Variants in LINGO2 observed in about 807,000 individuals in gnomAD.
The protein encoded by LINGO2 is leucine rich repeat and Ig domain containing 2.
A neutral mutation model predicts 30.6 loss-of-function variants in LINGO2; 14 were observed. The observed-to-expected ratio is 0.46, with a 90% CI of 0.30 to 0.72. The LOEUF (loss-of-function observed/expected upper bound fraction) is 0.72. LINGO2 is among the 30% of genes least tolerant of loss of function. The pLI, the probability that LINGO2 is intolerant of heterozygous loss-of-function variation, is 0.07. For missense variants in LINGO2, 729 were observed against 751.7 expected (o/e 0.97, Z 0.35); for synonymous variants, 317 against 288.5 (o/e 1.10, Z -1.00).
intron 5 of LINGO2, among the ~76,000 whole-genome samples, chr9:27,988,382 G>C (rs1821228248): frequency 1.3e-5 from 2 of 151,928 alleles, no homozygotes; most frequent in African/African-American, 4.8e-5. Flanking sequence ...GGATGGCTGG[G>C]TCCAATGGTA....
At chr9:28,429,720 T>G (rs1823568988) in intron 2 of LINGO2, among the ~76,000 whole-genome samples, 1 of 152,176 alleles carries the variant, frequency 6.6e-6, no homozygotes, top group African/African-American at 2.4e-5. Flanking sequence ...ACCACTAAAG[T>G]ACTTCCATTT....
chr9:28,650,924 C>T (rs1032918236), intron 1 of LINGO2, among the ~76,000 whole-genome samples: 2 of 152,128 alleles, frequency 1.3e-5, no homozygotes, highest in African/African-American at 4.8e-5. Flanking sequence ...GATGCGATGG[C>T]TTACGCCTGT....
At chr9:29,136,862 A>G in the LINGO2 span, among the ~76,000 whole-genome samples, 1 of 152,162 alleles carries the variant, frequency 6.6e-6, no homozygotes, top group Non-Finnish European at 1.5e-5. Context: ...AATCATTTCA[A>G]ACTCAAATGT....
At chr9:28,409,620 GGTGTGTGTGTGTGT>G (rs150611305) in intron 2 of LINGO2, among the ~76,000 whole-genome samples, 5 of 146,312 alleles carry the variant, frequency 3.4e-5, no homozygotes, top group East Asian at 2.0e-4. Flanking sequence ...GATGTGCAGG[GGTGTGTGTGTGTGT>G]GTGTGTGTGT....
chr9:29,139,788 A>G, the LINGO2 span, among the ~76,000 whole-genome samples: 9 of 152,188 alleles, frequency 5.9e-5, no homozygotes, highest in South Asian at 1.9e-3. Flanking sequence ...GAGATGGAAC[A>G]TGTGTTTAAA....
chr9:27,970,082 A>C (rs1235986826), intron 5 of LINGO2, among the ~76,000 whole-genome samples: 1 of 152,202 alleles, frequency 6.6e-6, no homozygotes, highest in Non-Finnish European at 1.5e-5. Context: ...TCCAAGGTGA[A>C]AGTGGGTACA....
At chr9:28,914,852 G>A in the LINGO2 span, among the ~76,000 whole-genome samples, 5 of 152,188 alleles carry the variant, frequency 3.3e-5, no homozygotes, top group Non-Finnish European at 5.9e-5. Flanking sequence ...AGTCACAAAC[G>A]CTGGGTGCGG....
intron 3 of LINGO2, among the ~76,000 whole-genome samples, chr9:28,313,987 G>T (rs1233099640): frequency 6.6e-6 from 1 of 151,934 alleles, no homozygotes; most frequent in East Asian, 1.9e-4. Context: ...AGGCTGGAGT[G>T]CAGTGGCGCG....
chr9:28,494,402 G>A (rs1328851525), intron 1 of LINGO2, among the ~76,000 whole-genome samples: 2 of 152,044 alleles, frequency 1.3e-5, no homozygotes, highest in Admixed American at 6.5e-5. Flanking sequence ...AGTATGTGAT[G>A]TTCCCCTTCC....
At chr9:28,654,464 A>T (rs1828246588) in intron 1 of LINGO2, among the ~76,000 whole-genome samples, 1 of 136,108 alleles carries the variant, frequency 7.3e-6, no homozygotes, top group Non-Finnish European at 1.5e-5. Flanking sequence ...ATAGTATATG[A>T]TAGAACATGA....
intron 4 of LINGO2, among the ~76,000 whole-genome samples, chr9:28,153,235 A>G (rs1259434889): frequency 6.6e-6 from 1 of 152,178 alleles, no homozygotes; most frequent in Non-Finnish European, 1.5e-5. Context: ...TAACATTTGC[A>G]TAAGTGCAGA....
chr9:27,984,743 T>G (rs957366739), intron 5 of LINGO2, among the ~76,000 whole-genome samples: 1 of 151,870 alleles, frequency 6.6e-6, no homozygotes, highest in African/African-American at 2.4e-5. Context: ...GGAGATTGGC[T>G]TTTACTGAGA....
At chr9:29,029,145 A>G in the LINGO2 span, among the ~76,000 whole-genome samples, 6 of 152,142 alleles carry the variant, frequency 3.9e-5, no homozygotes, top group African/African-American at 1.4e-4. Context: ...TAAAGGCTAC[A>G]CTACAGTTTT....
At chr9:28,742,867 A>G in the LINGO2 span, among the ~76,000 whole-genome samples, 3 of 151,856 alleles carry the variant, frequency 2.0e-5, no homozygotes, top group Admixed American at 6.6e-5. Context: ...TGTCAAATAC[A>G]TTATACTTAT....
intron 1 of LINGO2, among the ~76,000 whole-genome samples, chr9:28,623,798 T>C (rs1826526591): frequency 1.3e-5 from 2 of 152,086 alleles, no homozygotes; most frequent in Admixed American, 6.6e-5. Context: ...TATGGACATT[T>C]TAACAACATT....
At chr9:28,615,378 G>A (rs987545544) in intron 1 of LINGO2, among the ~76,000 whole-genome samples, 4 of 152,188 alleles carry the variant, frequency 2.6e-5, no homozygotes, top group South Asian at 4.1e-4. Flanking sequence ...ATTTAACCTC[G>A]AAGAATGCTC....
the LINGO2 span, among the ~76,000 whole-genome samples, chr9:28,722,092 T>C: frequency 6.6e-6 from 1 of 152,156 alleles, no homozygotes; most frequent in African/African-American, 2.4e-5. Flanking sequence ...AGGGTACCAA[T>C]AAATACAAGA....
intron 4 of LINGO2, among the ~76,000 whole-genome samples, chr9:28,203,057 C>A (rs1820292290): frequency 1.3e-5 from 2 of 152,074 alleles, no homozygotes; most frequent in African/African-American, 2.4e-5. Flanking sequence ...AAACAAAAAG[C>A]AGGAAATTAT....
At chr9:27,956,564 A>T (rs1819579710) in intron 5 of LINGO2, among the ~76,000 whole-genome samples, 1 of 151,774 alleles carries the variant, frequency 6.6e-6, no homozygotes, top group South Asian at 2.1e-4. Flanking sequence ...CCATTTTAAC[A>T]TTTTTTTAAT....
Sources: allele counts gnomAD v4.1 joint callset (sites outside exome capture counted in the v4.1 genomes callset), GRCh38; gene constraint gnomAD v4.1.1; transcripts MANE v1.5; gene names NCBI Gene and HGNC (gene_info 2026-07-23, HGNC 2026-07-21).